Variants in MYRFL observed in about 807,000 individuals in gnomAD.
MYRFL encodes myelin regulatory factor like, also known as myelin regulatory factor-like protein.
A neutral mutation model predicts 109.4 loss-of-function variants in MYRFL; 88 were observed. That is an observed-to-expected ratio of 0.80 (90% CI 0.68 to 0.96). The LOEUF (loss-of-function observed/expected upper bound fraction) is 0.96, where lower values mean the gene tolerates loss of function less well. Ranked by LOEUF, MYRFL falls within the 40% of genes least tolerant of loss-of-function variation. The pLI is 0.00. For synonymous variants in MYRFL, 324 were observed against 320.9 expected (o/e 1.01, Z -0.10); for missense variants, 957 against 954.9 (o/e 1.00, Z -0.03).
chr12:69,892,868 T>C (rs1205379069), intron 7 of MYRFL, among the ~76,000 whole-genome samples: 1 of 152,234 alleles, frequency 6.6e-6, no homozygotes, highest in East Asian at 1.9e-4. Context: ...TTTTCTTCTG[T>C]TATTAAAATT....
intron 15 of MYRFL, among the ~76,000 whole-genome samples, chr12:69,928,633 A>G (rs570730349): frequency 5.3e-5 from 8 of 152,378 alleles, no homozygotes; most frequent in South Asian, 4.1e-4. Context: ...GTGTATTGAC[A>G]AACACAAATA....
Position 69,886,908 on chromosome 12 carries a change from G to A in MYRFL, c.645G>A (p.Leu215=). Residue 215 remains leucine (L), a synonymous_variant, in exon 6 of 25, where the codon CTG becomes CTA. Coordinates refer to ENST00000552032, the MANE Select transcript of MYRFL (RefSeq NM_182530.3). ...RMPTDQCSPA[L]KWQPCHSVPW... ...CTACAGACCAGTGCTCTCCTGCTCTGAAGTGGCAACCATGCCATAGTGTTC... is the reference window on the plus strand; with the variant it reads ...CTACAGACCAGTGCTCTCCTGCTCTAAAGTGGCAACCATGCCATAGTGTTC... 6.5e-7 allele frequency: 1 copy of A among 1,535,914 alleles called. No homozygotes were observed. Among genetic ancestry groups the A allele is most frequent in the East Asian group, 2.4e-5 (1 of 40,908 alleles).
intron 1 of MYRFL, among the ~76,000 whole-genome samples, chr12:69,855,029 G>T (rs1194302184): frequency 5.3e-5 from 8 of 152,224 alleles, no homozygotes; most frequent in Non-Finnish European, 1.2e-4. Flanking sequence ...TAAAGAAAGT[G>T]TGAAACAAGA....
At chr12:69,902,842 A>G (rs12230487) in intron 10 of MYRFL, among the ~76,000 whole-genome samples, 4,453 of 152,314 alleles carry the variant, frequency 0.029, 94 homozygotes, top group Middle Eastern at 0.068. Flanking sequence ...GTCTAGTCCA[A>G]TGGTTTCACT....
At chr12:69,941,763 A>G (rs1198976315) in intron 19 of MYRFL, among the ~76,000 whole-genome samples, 1 of 150,714 alleles carries the variant, frequency 6.6e-6, no homozygotes, top group Non-Finnish European at 1.5e-5. Flanking sequence ...TTTTGAAAGG[A>G]TCAACAAAAT....
chr12:69,900,340 T>C (rs1954139498), intron 10 of MYRFL, among the ~76,000 whole-genome samples: 1 of 152,192 alleles, frequency 6.6e-6, no homozygotes, highest in Non-Finnish European at 1.5e-5. Flanking sequence ...TATGGAGTAA[T>C]GCCTGTTTTG....
At chr12:69,877,035 T>TCTTTC (rs1478142590) in intron 2 of MYRFL, among the ~76,000 whole-genome samples, 53 of 73,744 alleles carry the variant, frequency 7.2e-4, no homozygotes, top group Admixed American at 1.2e-3. Flanking sequence ...TTTTTTTTTT[T>TCTTTC]TTTTTTGAGA....
chr12:69,951,067 A>G (rs1955961296), intron 19 of MYRFL, among the ~76,000 whole-genome samples: 1 of 152,210 alleles, frequency 6.6e-6, no homozygotes, highest in African/African-American at 2.4e-5. Flanking sequence ...CAGAGGTAAT[A>G]TGCCCTTCAG....
intron 2 of MYRFL, among the ~76,000 whole-genome samples, chr12:69,866,069 T>TA (rs1885000443): frequency 6.6e-6 from 1 of 152,130 alleles, no homozygotes; most frequent in Non-Finnish European, 1.5e-5. Context: ...AAAGCTGAGA[T>TA]AAAAATCTGC....
At chr12:69,866,621 T>C (rs532778899) in intron 2 of MYRFL, among the ~76,000 whole-genome samples, 91 of 152,314 alleles carry the variant, frequency 6.0e-4, no homozygotes, top group African/African-American at 2.1e-3. Flanking sequence ...TCTACCATAT[T>C]GCCTACAATG....
At chr12:69,906,664 A>G (rs1184456293) in intron 11 of MYRFL, among the ~76,000 whole-genome samples, 1 of 152,234 alleles carries the variant, frequency 6.6e-6, no homozygotes, top group Non-Finnish European at 1.5e-5. Flanking sequence ...AGACATGAAA[A>G]AAGCTCAAGA....
At chr12:69,886,586 G>A (rs1886465412) in intron 5 of MYRFL, among the ~76,000 whole-genome samples, 1 of 152,114 alleles carries the variant, frequency 6.6e-6, no homozygotes, top group Admixed American at 6.6e-5. Flanking sequence ...ATAGATATCA[G>A]GGACAAAGTT....
chr12:69,871,544 A>G (rs1373916320), intron 2 of MYRFL, among the ~76,000 whole-genome samples: 1 of 151,964 alleles, frequency 6.6e-6, no homozygotes, highest in Admixed American at 6.6e-5. Flanking sequence ...CTTTTTGGAT[A>G]TTTTTATTGC....
At chr12:69,930,986 G>A (rs1235528596) in intron 15 of MYRFL, among the ~76,000 whole-genome samples, 2 of 152,108 alleles carry the variant, frequency 1.3e-5, no homozygotes, top group East Asian at 3.9e-4. Flanking sequence ...TAATTTGAGA[G>A]CCATTACACT....
intron 16 of MYRFL, among the ~76,000 whole-genome samples, chr12:69,934,037 A>G (rs144260584): frequency 6.6e-6 from 1 of 152,278 alleles, no homozygotes; most frequent in Non-Finnish European, 1.5e-5. Flanking sequence ...TGGTCCTAGA[A>G]GTTTTCTGGG....
At chr12:69,891,909 T>C (rs2041670589) in intron 7 of MYRFL, among the ~76,000 whole-genome samples, 1 of 151,770 alleles carries the variant, frequency 6.6e-6, no homozygotes, top group African/African-American at 2.4e-5. Context: ...ATTCCTGGGC[T>C]CAAGTGAGCC....
At chr12:69,950,195 G>C (rs1955941894) in intron 19 of MYRFL, among the ~76,000 whole-genome samples, 1 of 152,096 alleles carries the variant, frequency 6.6e-6, no homozygotes, top group Admixed American at 6.5e-5. Context: ...TTATTTTACT[G>C]TAGGGATAGT....
intron 2 of MYRFL, among the ~76,000 whole-genome samples, chr12:69,872,604 G>T (rs1277335410): frequency 6.6e-6 from 1 of 151,996 alleles, no homozygotes; most frequent in Admixed American, 6.6e-5. Flanking sequence ...GAGGTCATAC[G>T]ATTCTCCTGC....
intron 1 of MYRFL, among the ~76,000 whole-genome samples, chr12:69,839,838 C>T (rs1883145436): frequency 6.6e-6 from 1 of 152,192 alleles, no homozygotes. Flanking sequence ...CTTACTGGAT[C>T]TCCTGTGGAT....
Sources: allele counts gnomAD v4.1 joint callset (sites outside exome capture counted in the v4.1 genomes callset), GRCh38; gene constraint gnomAD v4.1.1; transcripts MANE v1.5; gene names NCBI Gene and HGNC (gene_info 2026-07-23, HGNC 2026-07-21).